ZC3H3: variants seen among roughly 807,000 people sequenced by gnomAD.
ZC3H3 encodes the protein zinc finger CCCH domain-containing protein 3.
In ZC3H3, 36 loss-of-function variants were observed where a neutral mutation model predicts 77.3. The observed-to-expected ratio is 0.47, with a 90% CI of 0.36 to 0.61. The LOEUF is 0.61. Among genes scored for constraint, ZC3H3 ranks in the 20% least tolerant of loss-of-function variants. The pLI is 0.00. For missense variants in ZC3H3, 1,331 were observed against 1,312.2 expected (o/e 1.01, Z -0.22); for synonymous variants, 626 against 555.2 (o/e 1.13, Z -1.79).
intron 4 of ZC3H3, among the ~76,000 whole-genome samples, chr8:143,491,393 G>C (rs552330493): frequency 6.6e-6 from 1 of 152,370 alleles, no homozygotes; most frequent in Admixed American, 6.5e-5. Flanking sequence ...CATCTCACCA[G>C]GGAGCTCCTG....
chr8:143,497,445 G>A (rs892663224), intron 4 of ZC3H3, among the ~76,000 whole-genome samples: 8 of 152,174 alleles, frequency 5.3e-5, no homozygotes, highest in Non-Finnish European at 1.0e-4. Flanking sequence ...TAAAGCCAGG[G>A]GGGCAGCCTG....
At chr8:143,491,157 C>T (rs575094622) in intron 4 of ZC3H3, among the ~76,000 whole-genome samples, 17 of 152,292 alleles carry the variant, frequency 1.1e-4, no homozygotes, top group Non-Finnish European at 2.2e-4. Context: ...GCAGGAGGGC[C>T]CAGGCACAGG....
At chr8:143,512,216 G>GC (rs1235571320) in intron 3 of ZC3H3, among the ~76,000 whole-genome samples, 2 of 152,210 alleles carry the variant, frequency 1.3e-5, no homozygotes, top group Non-Finnish European at 2.9e-5. Context: ...GTGACGGATG[G>GC]CTGTGGGCTG....
chr8:143,520,905 G>A (rs982696703), intron 3 of ZC3H3, among the ~76,000 whole-genome samples: 1 of 152,204 alleles, frequency 6.6e-6, no homozygotes, highest in African/African-American at 2.4e-5. Context: ...CTGGTGCTCT[G>A]CCCAGCAGCA....
At chr8:143,452,771 GAAC>G (rs966260296) in intron 9 of ZC3H3, among the ~76,000 whole-genome samples, 33 of 152,320 alleles carry the variant, frequency 2.2e-4, no homozygotes, top group African/African-American at 7.9e-4. Context: ...TAACCCATCT[GAAC>G]AACAGAAAGA....
Position 143,475,512 on chromosome 8 carries a change from GCCA to G in ZC3H3, c.1786_1788del (p.Trp596del). 2 of 1,612,310 alleles carry G rather than the reference GCCA, an allele frequency of 1.2e-6. No homozygotes were observed. The highest frequency in any genetic ancestry group is 1.7e-6 in the Non-Finnish European group (2 of 1,179,686). ...CCGATGCAGCGGTAGCCTTTGCTCC[GCCA>G]CCAAGGGGAGCCCGGTTGGGCTTTC... On this transcript the variant is annotated inframe_deletion, in exon 5 of 12. Transcript: ENST00000262577.
chr8:143,503,359 C>T (rs1274214001), intron 4 of ZC3H3, among the ~76,000 whole-genome samples: 15 of 152,130 alleles, frequency 9.9e-5, no homozygotes, highest in Non-Finnish European at 8.8e-5. Flanking sequence ...AATGGTGTGC[C>T]CATCCTCAGA....
chr8:143,504,418 C>T (rs562709129), intron 4 of ZC3H3, among the ~76,000 whole-genome samples: 6 of 152,310 alleles, frequency 3.9e-5, no homozygotes, highest in African/African-American at 9.6e-5. Context: ...AGCTTCACTG[C>T]GGCAGCCTGT....
At chr8:143,540,851 G>A (rs892966149) in intron 1 of ZC3H3, among the ~76,000 whole-genome samples, 2 of 152,120 alleles carry the variant, frequency 1.3e-5, no homozygotes, top group Non-Finnish European at 2.9e-5. Context: ...ACGTACTCCG[G>A]AGGCTGAGGC....
intron 4 of ZC3H3, among the ~76,000 whole-genome samples, chr8:143,491,943 CAGCCCACCCCACAG>C (rs1821216011): frequency 6.6e-6 from 1 of 152,206 alleles, no homozygotes; most frequent in Admixed American, 6.5e-5. Context: ...GTGTTTCTAG[CAGCCCACCCCACAG>C]GCATGTTGCC....
intron 9 of ZC3H3, among the ~76,000 whole-genome samples, chr8:143,443,468 C>T (rs978188122): frequency 6.6e-6 from 1 of 152,072 alleles, no homozygotes; most frequent in African/African-American, 2.4e-5. Flanking sequence ...AACAAAACCC[C>T]CAGAAAACTC....
In ZC3H3 at chr8:143,437,924, A is replaced by G. The variant is rs1819627360; in HGVS notation, c.*132T>C. 7.9e-7 allele frequency: 1 copy of G among 1,260,974 alleles called. No individual in the cohort carries two copies. Among genetic ancestry groups the G allele is most frequent in the Non-Finnish European group, 1.1e-6 (1 of 888,230 alleles). The allele number at this position is 1,260,974 out of a possible 1,614,324, so 78.1% of individuals were successfully genotyped here. A position where few individuals can be genotyped will look rare whatever the true frequency, so the allele number is the denominator to read the frequency against. On this transcript the variant is annotated 3_prime_UTR_variant, in exon 12 of 12. Transcript: ENST00000262577. ...GGAAGGTTGAGGGCCAGGCAGGCAG[A>G]GCAGTGTCCCTGTGGCCCCCAGGTG...
At chr8:143,463,535 G>A (rs561859115) in intron 9 of ZC3H3, among the ~76,000 whole-genome samples, 5 of 152,326 alleles carry the variant, frequency 3.3e-5, no homozygotes, top group Admixed American at 2.0e-4. Flanking sequence ...CAAGGACGCC[G>A]GCCGCGGATC....
In ZC3H3 at chr8:143,460,728, G is replaced by A. The variant is rs1820239358; in HGVS notation, c.2307+4989C>T. On this transcript the variant is annotated intron_variant, in intron 9 of 11. Transcript: ENST00000262577. This position sits in a 1 kb window ranked among gnomAD's most constrained non-coding sequence, Gnocchi z 4.0. The stretch of plus-strand genomic sequence containing the variant: ...CTCTACCATAAGAAAGGAATGAGGT[G>A]CTGCTACACGTGTGAACCCTGGAAA... 6.6e-6 allele frequency among the ~76,000 whole-genome samples: 1 copy of A among 152,212 alleles called. No homozygotes were observed. Among genetic ancestry groups the A allele is most frequent in the Admixed American group, 6.5e-5 (1 of 15,284 alleles).
rs1484503924 is a variant in ZC3H3 at position 143,538,167 on chromosome 8, G to C, written c.1200C>G (p.Ser400Arg). ...GGGAGAGCTGGGAGGCATGGTCCTT[G>C]CTGCTGGCCTCCGACTGCCAACGGA... ...SSFRWQSEAS[S>R]KDHASQLSPV... Residue 400 changes from serine to arginine, a missense_variant, in exon 2 of 12, where the codon AGC becomes AGG. This residue lies in a region of ZC3H3 where 978 missense variants were observed against 915.5 expected (regional missense o/e 1.07). Transcript: ENST00000262577. The C allele has an allele frequency of 2.5e-6, 4 of 1,613,060 alleles. No homozygotes were observed. Among genetic ancestry groups the C allele is most frequent in the Non-Finnish European group, 2.5e-6 (3 of 1,180,016 alleles).
intron 4 of ZC3H3, among the ~76,000 whole-genome samples, chr8:143,506,704 G>C (rs1821707630): frequency 6.6e-6 from 1 of 152,076 alleles, no homozygotes; most frequent in Non-Finnish European, 1.5e-5. Context: ...GGGCCAAGCT[G>C]AGTGTGGCCT....
intron 9 of ZC3H3, among the ~76,000 whole-genome samples, chr8:143,447,042 C>G (rs1819878763): frequency 6.6e-6 from 1 of 152,230 alleles, no homozygotes; most frequent in South Asian, 2.1e-4. Context: ...GGCACAGGGA[C>G]TGGGCCAGGC....
chr8:143,468,165 C>G, intron 8 of ZC3H3, 44 bp downstream of exon 8: 3 of 1,586,554 alleles, frequency 1.9e-6, no homozygotes, highest in Non-Finnish European at 8.6e-7. Context: ...GCTGAGGCCC[C>G]GGAGAAAGGT....
At position 143,468,200 on chromosome 8, in the gene ZC3H3, C is replaced by T. The variant is rs370344987; in HGVS notation, c.2175+9G>A. 80 of 1,609,810 alleles carry T rather than the reference C, an allele frequency of 5.0e-5. No homozygotes were observed. The highest frequency in any genetic ancestry group is 1.7e-4 in the Middle Eastern group (1 of 5,980). On this transcript the variant is annotated intron_variant, in intron 8 of 11. Coordinates refer to ENST00000262577, the MANE Select transcript of ZC3H3 (RefSeq NM_015117.3). Reference sequence around the variant, plus strand: ...TGCACGGGAGCAGGGCCACCAGCGCCGCACTCACCTTCTCCTTGGACACAT... The same window carrying T: ...TGCACGGGAGCAGGGCCACCAGCGCTGCACTCACCTTCTCCTTGGACACAT...
Sources: gnomAD v4.1 joint callset for allele counts (sites outside exome capture counted in the v4.1 genomes callset) on GRCh38, gnomAD v4.1.1 for gene constraint, gnomAD v4.1.1 regional missense constraint, Gnocchi (gnomAD v3.1) non-coding constraint, MANE v1.5 for transcripts, NCBI Gene and HGNC (gene_info 2026-07-23, HGNC 2026-07-21) for gene names.